Variants in ZNF550 observed in about 807,000 individuals in gnomAD.
ZNF550 encodes zinc finger protein 550.
A neutral mutation model predicts 40.2 loss-of-function variants in ZNF550; 42 were observed. That is an observed-to-expected ratio of 1.05 (90% CI 0.82 to 1.35). The LOEUF is 1.35. Among genes scored for constraint, ZNF550 ranks in the 40% most tolerant of loss-of-function variants. The pLI is 0.00. For synonymous variants in ZNF550, 223 were observed against 198.6 expected, an observed-to-expected ratio of 1.12 and a Z score of -1.03; for missense variants, 549 against 525.2, an observed-to-expected ratio of 1.05 and a Z score of -0.44.
chr19:57,551,325 G>A lies in ZNF550; in HGVS notation c.250+1302C>T, dbSNP rs188246251. On this transcript the variant is annotated intron_variant, in intron 3 of 4. Coordinates refer to ENST00000457177, the Ensembl canonical transcript of ZNF550. ...CACATCTGAGTGGCTGCAGGAGCCG[G>A]TGCAGGGACAAGAGCTGCCCAGAGG... Among the ~76,000 whole-genome samples, 1,113 of 152,278 alleles carry A rather than the reference G, an allele frequency of 7.3e-3. 19 individuals are homozygous for A. Among genetic ancestry groups the A allele is most frequent in the South Asian group, 0.048 (230 of 4,816 alleles).
chr19:57,552,500 A>C (rs771454693), intron 3 of ZNF550, 127 bp downstream of exon 3: 10 of 673,288 alleles, frequency 1.5e-5, no homozygotes, highest in Non-Finnish European at 2.5e-5. Flanking sequence ...ACCCAAAGTG[A>C]GTCAGAAACA....
At chr19:57,547,570 T>C in exon 4 of ZNF550, 1 of 1,614,196 alleles carries the variant, frequency 6.2e-7, no homozygotes. Context: ...CATTCCAGTG[T>C]GAACCCTCTG....
upstream of ZNF550, among the ~76,000 whole-genome samples, chr19:57,561,064 T>C (rs1200302555): frequency 6.6e-6 from 1 of 152,242 alleles, no homozygotes; most frequent in African/African-American, 2.4e-5. This position sits in a 1 kb window ranked among gnomAD's most constrained non-coding sequence, Gnocchi z 4.9. Flanking sequence ...AGAAGAGTCA[T>C]GGACATGTCA....
At chr19:57,547,638 G>A (rs1365462762) in exon 4 of ZNF550, 3 of 1,614,088 alleles carry the variant, frequency 1.9e-6, no homozygotes, top group African/African-American at 1.3e-5. Context: ...TGCATTTGTA[G>A]GGGTTTGTCC....
chr19:57,547,427 A>T, exon 4 of ZNF550: 1 of 1,602,660 alleles, frequency 6.2e-7, no homozygotes, highest in Non-Finnish European at 8.5e-7. Context: ...TGCATGAGGT[A>T]CGACCTGCGT....
chr19:57,552,658 C>G, exon 3 of ZNF550: 1 of 1,598,178 alleles, frequency 6.3e-7, no homozygotes, highest in South Asian at 1.1e-5. Flanking sequence ...GGCCTCTCTT[C>G]ACTATCCACA....
At chr19:57,547,658 T>G (rs1373689270) in exon 4 of ZNF550, 2 of 1,614,082 alleles carry the variant, frequency 1.2e-6, no homozygotes, top group Non-Finnish European at 1.7e-6. Context: ...CCTGCATGAA[T>G]CAAGGCGTCT....
Position 57,559,769 on chromosome 19 carries a change from C to A in ZNF550, c.-87G>T, listed in dbSNP as rs372275591. On this transcript the variant is annotated 5_prime_UTR_variant, in exon 1 of 5. Transcript: ENST00000457177. ...GGTCCTACAACGGTGCGGAGGTGAGCCCCAGTCGCCCTACCATCCTTCCCA... is the reference window on the plus strand; with the variant it reads ...GGTCCTACAACGGTGCGGAGGTGAGACCCAGTCGCCCTACCATCCTTCCCA... 32 of 1,199,820 alleles carry A rather than the reference C, an allele frequency of 2.7e-5. No individual in the cohort carries two copies. In the South Asian group the frequency reaches 5.8e-4, roughly 22 times the overall value. The allele number at this position is 1,199,820 out of a possible 1,614,324, so 74.3% of individuals were successfully genotyped here. A position where few individuals can be genotyped will look rare whatever the true frequency, so the allele number is the denominator to read the frequency against.
intron 3 of ZNF550, among the ~76,000 whole-genome samples, chr19:57,551,241 A>G (rs1258101657): frequency 6.6e-6 from 1 of 152,170 alleles, no homozygotes; most frequent in Non-Finnish European, 1.5e-5. Context: ...CCTATTTTTA[A>G]CATGAAATTA....
At chr19:57,547,946 C>G (rs1296090920) in exon 4 of ZNF550, 1 of 1,614,060 alleles carries the variant, frequency 6.2e-7, no homozygotes, top group Non-Finnish European at 8.5e-7. Context: ...TCAGATAAGA[C>G]TGGCGGGTAA....
intron 4 of ZNF550, chr19:57,543,752 A>G (rs1484292521): frequency 2.2e-6 from 1 of 451,678 alleles, no homozygotes; most frequent in Non-Finnish European, 2.9e-6. Flanking sequence ...CCTGGCCAAC[A>G]TGGTGAAACC....
At chr19:57,547,271 T>C (rs936927651) in exon 4 of ZNF550, 1 of 1,614,072 alleles carries the variant, frequency 6.2e-7, no homozygotes, top group Admixed American at 1.7e-5. Context: ...GCTCTATTGC[T>C]AAAGGCTTTC....
exon 5 of ZNF550, chr19:57,542,874 C>G (rs1343160637): frequency 6.6e-6 from 1 of 152,142 alleles, no homozygotes; most frequent in Admixed American, 6.5e-5. Context: ...TAGGAACTAA[C>G]CTAATGGATT....
chr19:57,558,384 G>T (rs891928721), intron 1 of ZNF550, among the ~76,000 whole-genome samples: 2 of 152,224 alleles, frequency 1.3e-5, no homozygotes, highest in Admixed American at 1.3e-4. Context: ...CAGCCTTGCA[G>T]ACCATGCTGG....
intron 3 of ZNF550, among the ~76,000 whole-genome samples, chr19:57,549,857 G>T (rs2090057440): frequency 6.6e-6 from 1 of 152,180 alleles, no homozygotes; most frequent in Non-Finnish European, 1.5e-5. Context: ...AGAGGGTACT[G>T]GAGACAGAAT....
intron 2 of ZNF550, 150 bp from the exon 3 acceptor site, chr19:57,552,872 G>A (rs2090085721): frequency 6.6e-6 from 4 of 608,244 alleles, no homozygotes; most frequent in Non-Finnish European, 1.2e-5. Flanking sequence ...GAAAATCAAG[G>A]GCATTGCTCT....
chr19:57,556,272 C>T (rs774494400), exon 2 of ZNF550: 24 of 1,614,002 alleles, frequency 1.5e-5, no homozygotes, highest in Admixed American at 8.3e-5. Context: ...CATCACCTCT[C>T]GGTACAGGGT....
rs1163892800 is a variant in ZNF550, at chr19:57,554,797, C to CGGGA, written c.154+1433_154+1434insTCCC. ...TCCTTTGGCTCTCCCAAGAGCTGAGCTCCCTGTCACTTTTCACACGCTGGT... is the reference window on the plus strand; with the variant it reads ...TCCTTTGGCTCTCCCAAGAGCTGAGCGGGATCCCTGTCACTTTTCACACGCTGGT... On this transcript the variant is annotated intron_variant, in intron 2 of 4. Transcript: ENST00000457177. The surrounding 1 kb of genome is among the most constrained non-coding windows in gnomAD (Gnocchi z 4.5). The CGGGA allele has an allele frequency of 6.6e-6, 1 of 152,256 alleles. No homozygotes were observed. Among genetic ancestry groups the CGGGA allele is most frequent in the East Asian group, 1.9e-4 (1 of 5,192 alleles). The allele number at this position is 152,256 out of a possible 1,614,324, so 9.4% of individuals were successfully genotyped here.
At position 57,559,759 on chromosome 19, in the gene ZNF550, CG is replaced by C. The variant is rs2090154957; in HGVS notation, c.-78del. ...CCCTACCCCGGGTCCTACAACGGTG[CG>C]GAGGTGAGCCCCAGTCGCCCTACCA... On this transcript the variant is annotated 5_prime_UTR_variant, in exon 1 of 5. It removes the in-frame stop codon of an upstream open reading frame in the 5' UTR. Transcript: ENST00000457177. 2.3e-6 allele frequency: 3 copies of C among 1,290,496 alleles called. No individual in the cohort carries two copies. Among genetic ancestry groups the C allele is most frequent in the Non-Finnish European group, 2.0e-6 (2 of 982,008 alleles). 79.9% of individuals were successfully genotyped at this position (1,290,496 alleles called of 1,614,324 possible). A position where few individuals can be genotyped will look rare whatever the true frequency, so the allele number is the denominator to read the frequency against.
Sources: allele counts gnomAD v4.1 joint callset (sites outside exome capture counted in the v4.1 genomes callset), GRCh38; gene constraint gnomAD v4.1.1; non-coding constraint Gnocchi (gnomAD v3.1); transcripts MANE v1.5; gene names NCBI Gene and HGNC (gene_info 2026-07-23, HGNC 2026-07-21).